Variants in ZNF292 observed in about 807,000 individuals in gnomAD.
ZNF292 encodes zinc finger protein 292.
A neutral mutation model predicts 217.9 loss-of-function variants in ZNF292; 26 were observed. That is an observed-to-expected ratio of 0.12 (90% CI 0.09 to 0.17). ZNF292 has a LOEUF of 0.17. Among genes scored for constraint, ZNF292 ranks in the 10% least tolerant of loss-of-function variants. ZNF292 has a pLI of 1.00. For missense variants in ZNF292, 2,904 were observed against 3,175.2 expected (o/e 0.91, Z 2.05); for synonymous variants, 1,257 against 1,124.1 (o/e 1.12, Z -2.37).
At chr6:87,198,524 C>T (rs1236180698) in intron 1 of ZNF292, among the ~76,000 whole-genome samples, 1 of 152,090 alleles carries the variant, frequency 6.6e-6, no homozygotes, top group African/African-American at 2.4e-5. Context: ...TTATGTGTTC[C>T]ATGTTAGTCA....
At chr6:87,220,864 A>G (rs1773048652) in intron 4 of ZNF292, among the ~76,000 whole-genome samples, 1 of 152,208 alleles carries the variant, frequency 6.6e-6, no homozygotes, top group Non-Finnish European at 1.5e-5. Context: ...GTAGGTAGCC[A>G]AACTAATACA....
rs1257245994 is a variant in ZNF292 at position 87,259,185 on chromosome 6, C to T, written c.5556C>T (p.Asp1852=). The stretch of plus-strand genomic sequence containing the variant: ...TACAGAAATTAAAATTAGAAAATGA[C>T]CTATCCACTCCAGCATCCCAATGTG... The part of the protein sequence containing the change: ...EGLQKLKLEN[D]LSTPASQCVL... The change falls in exon 8 of 8, where the codon GAC becomes GAT. Residue 1852 remains aspartate, a synonymous_variant. Transcript: ENST00000369577. 3 of 1,613,408 alleles carry T rather than the reference C, an allele frequency of 1.9e-6. No homozygotes were observed. The highest frequency in any genetic ancestry group is 3.3e-5 in the Admixed American group (2 of 59,920).
rs1179873639 is a variant in ZNF292 at position 87,155,664 on chromosome 6, C to T, written c.73C>T (p.Leu25=). 4 of 1,585,334 alleles carry T rather than the reference C, an allele frequency of 2.5e-6. No individual in the cohort carries two copies. Among genetic ancestry groups the T allele is most frequent in the Non-Finnish European group, 3.4e-6 (4 of 1,167,750 alleles). The change falls in exon 1 of 8, where the codon CTG becomes TTG. Residue 25 remains leucine, a synonymous_variant. Coordinates refer to ENST00000369577, the MANE Select transcript of ZNF292 (RefSeq NM_015021.3). The stretch of plus-strand genomic sequence containing the variant: ...CGGCTGCGTCGCGGAGCTGCAGCGC[C>T]TGGGCGAGCGGCTCCAGGAGCTGGA... The part of the protein sequence containing the change: ...EGGCVAELQR[L]GERLQELELQ...
rs185973575 is a variant in ZNF292, at chr6:87,190,572, C to G, written c.169-25331C>G. On this transcript the variant is annotated intron_variant, in intron 1 of 7. Coordinates refer to ENST00000369577, the MANE Select transcript of ZNF292 (RefSeq NM_015021.3). Reference sequence around the variant, plus strand: ...CACTGCAACCTCTGCCTCCCGGGTTCAAGTGATTCTCCTGCCTCAGCCTCT... The same window carrying G: ...CACTGCAACCTCTGCCTCCCGGGTTGAAGTGATTCTCCTGCCTCAGCCTCT... Among the ~76,000 whole-genome samples the G allele has an allele frequency of 9.4e-3, 1,433 of 152,266 alleles. 18 individuals carry two copies. Among genetic ancestry groups the G allele is most frequent in the African/African-American group, 0.032 (1,349 of 41,536 alleles).
In ZNF292 at chr6:87,227,392, G is replaced by T. The variant is rs542247971; in HGVS notation, c.539-5933G>T. On this transcript the variant is annotated intron_variant, in intron 4 of 7. Transcript: ENST00000369577. ...AATGTCTTAATTTGGATTTTTTTTTGACCAACAATGCTGAATTGTGTTTTT... is the reference window on the plus strand; with the variant it reads ...AATGTCTTAATTTGGATTTTTTTTTTACCAACAATGCTGAATTGTGTTTTT... Among the ~76,000 whole-genome samples the T allele has an allele frequency of 1.2e-4, 18 of 150,892 alleles. No homozygotes were observed. In the South Asian group the frequency reaches 3.5e-3, roughly 30 times the overall value.
At position 87,260,646 on chromosome 6, in the gene ZNF292, T is replaced by A. The variant is rs78762832; in HGVS notation, c.7017T>A (p.Asn2339Lys). The change falls in exon 8 of 8, where the codon AAT becomes AAA. Residue 2339 changes from asparagine (N) to lysine (K), a missense_variant. Around this residue, in one of 15 missense-constraint regions of ZNF292, gnomAD observed 101 missense variants for 89.5 expected, o/e 1.13. Coordinates refer to ENST00000369577, the MANE Select transcript of ZNF292 (RefSeq NM_015021.3). ...CCAAGACCAAACGAAAGAAAAAAAA[T>A]AATTTAGAAAACAAGAATGCAAAGA... ...KMPKTKRKKK[N>K]NLENKNAKIV... 1 of 1,611,980 alleles carries A rather than the reference T, an allele frequency of 6.2e-7. No individual in the cohort carries two copies. The highest frequency in any genetic ancestry group is 8.5e-7 in the Non-Finnish European group (1 of 1,179,302).
intron 1 of ZNF292, among the ~76,000 whole-genome samples, chr6:87,198,241 G>A (rs1266577729): frequency 6.6e-6 from 1 of 151,914 alleles, no homozygotes; most frequent in Non-Finnish European, 1.5e-5. Context: ...GTCTCGATCT[G>A]TCACCCAGGC....
rs1775223359 is a variant in ZNF292, at chr6:87,256,523, C to G, written c.2894C>G (p.Ala965Gly). The G allele has an allele frequency of 1.2e-6, 2 of 1,612,910 alleles. No individual in the cohort carries two copies. The highest frequency in any genetic ancestry group is 3.3e-5 in the Admixed American group (2 of 59,990). Residue 965 changes from alanine to glycine, a missense_variant, in exon 8 of 8, where the codon GCA becomes GGA. Coordinates refer to ENST00000369577, the MANE Select transcript of ZNF292 (RefSeq NM_015021.3). ...TCAACTGTGGAAGGCAGTGGTGAAG[C>G]ACTGGTCACAGACTTACATACGCCA... Reference protein sequence around the residue: ...ENSTVEGSGEALVTDLHTPVE... With the variant: ...ENSTVEGSGEGLVTDLHTPVE...
chr6:87,192,436 G>C (rs892554424), intron 1 of ZNF292, among the ~76,000 whole-genome samples: 3 of 151,862 alleles, frequency 2.0e-5, no homozygotes, highest in African/African-American at 7.3e-5. Context: ...GGATAAGTCA[G>C]TTATTGTGCT....
Position 87,260,820 on chromosome 6 carries a change from T to C in ZNF292, c.7191T>C (p.Val2397=). 2 of 1,612,706 alleles carry C rather than the reference T, an allele frequency of 1.2e-6. No homozygotes were observed. The highest frequency in any genetic ancestry group is 1.3e-5 in the African/African-American group (1 of 75,002). The change falls in exon 8 of 8, where the codon GTT becomes GTC. Residue 2397 remains valine (V), a synonymous_variant. Coordinates refer to ENST00000369577, the MANE Select transcript of ZNF292 (RefSeq NM_015021.3). ...TGATAAAGGGATGTACTTCAGTTGT[T>C]ACAAGTGAAAGCAATATAATTAGAC... ...PCMIKGCTSV[V]TSESNIIRHY...
intron 5 of ZNF292, among the ~76,000 whole-genome samples, chr6:87,237,238 C>T (rs1444838655): frequency 1.3e-5 from 2 of 151,850 alleles, no homozygotes; most frequent in African/African-American, 4.8e-5. Context: ...ATTTTTTAAA[C>T]TGTTTGTTTG....
At position 87,185,327 on chromosome 6, in the gene ZNF292, C is replaced by T. The variant is rs951802941; in HGVS notation, c.168+29568C>T. On this transcript the variant is annotated intron_variant, in intron 1 of 7. Transcript: ENST00000369577. ...CAAGATTGATTTTCAGGATTTTAGA[C>T]TTCCGGGATTTTGATATTTTGGATT... is the stretch of plus-strand genomic sequence containing the variant. Among the ~76,000 whole-genome samples the T allele has an allele frequency of 3.3e-5, 5 of 152,282 alleles. No homozygotes were observed. In the South Asian group the frequency reaches 1.0e-3, roughly 32 times the overall value.
In ZNF292 at chr6:87,180,143, T is replaced by G. The variant is rs111315666; in HGVS notation, c.168+24384T>G. ...CATACACTAACAATAGCTGATGAGC[T>G]GAATCGCAAAACAAAACAAAACAAA... On this transcript the variant is annotated intron_variant, in intron 1 of 7. Transcript: ENST00000369577. Among the ~76,000 whole-genome samples the G allele has an allele frequency of 3.7e-3, 556 of 152,326 alleles. 2 individuals carry two copies. Among genetic ancestry groups the G allele is most frequent in the African/African-American group, 0.013 (535 of 41,576 alleles).
chr6:87,197,701 A>G (rs1210514669), intron 1 of ZNF292, among the ~76,000 whole-genome samples: 2 of 148,256 alleles, frequency 1.3e-5, no homozygotes, highest in Admixed American at 6.7e-5. Context: ...AGCCTGAGCA[A>G]CAGAGTGAGA....
chr6:87,218,255 T>C (rs1468599063), intron 3 of ZNF292, among the ~76,000 whole-genome samples: 1 of 152,170 alleles, frequency 6.6e-6, no homozygotes, highest in Admixed American at 6.5e-5. Flanking sequence ...GGGAAAACTT[T>C]TTTAAACACA....
At position 87,230,231 on chromosome 6, in the gene ZNF292, G is replaced by A. The variant is rs1017391054; in HGVS notation, c.539-3094G>A. On this transcript the variant is annotated intron_variant, in intron 4 of 7. Coordinates refer to ENST00000369577, the MANE Select transcript of ZNF292 (RefSeq NM_015021.3). Reference sequence around the variant, plus strand: ...GCTTTTGAAACAGCTAGTCAAAGATGCTGCAAAGGAAATCATGCAAATCTG... The same window carrying A: ...GCTTTTGAAACAGCTAGTCAAAGATACTGCAAAGGAAATCATGCAAATCTG... Among the ~76,000 whole-genome samples, 86 of 150,218 alleles carry A rather than the reference G, an allele frequency of 5.7e-4. 1 individual carries two copies. The highest frequency in any genetic ancestry group is 1.0e-3 in the Non-Finnish European group (69 of 67,394).
chr6:87,261,032 T>A lies in ZNF292; in HGVS notation c.7403T>A (p.Val2468Asp), dbSNP rs980345440. 1.9e-6 allele frequency: 3 copies of A among 1,603,758 alleles called. No individual in the cohort carries two copies. The highest frequency in any genetic ancestry group is 3.4e-5 in the Admixed American group (2 of 58,164). The part of the protein sequence containing the change: ...SNDNSRTTAT[V>D]SQKEVEKNEK... Reference sequence around the variant, plus strand: ...GATAATTCAAGAACAACAGCTACAGTTTCACAAAAGGAAGTTGAAAAAAAT... The same window carrying A: ...GATAATTCAAGAACAACAGCTACAGATTCACAAAAGGAAGTTGAAAAAAAT... The change falls in exon 8 of 8, where the codon GTT (valine) becomes GAT (aspartate). Residue 2468 changes from valine to aspartate, a missense_variant. Transcript: ENST00000369577.
At chr6:87,196,229 T>C (rs1205563477) in intron 1 of ZNF292, among the ~76,000 whole-genome samples, 1 of 152,242 alleles carries the variant, frequency 6.6e-6, no homozygotes, top group Admixed American at 6.5e-5. Context: ...TATAGTACTT[T>C]GCATTTCCAA....
chr6:87,155,932 T>C lies in ZNF292; in HGVS notation c.168+173T>C, dbSNP rs565006786. On this transcript the variant is annotated intron_variant, in intron 1 of 7. Transcript: ENST00000369577. ...CTTTGTGTGGCTGCAGTTGTGGCGG[T>C]TGTTGTCGTCTGCAGCTCCTGGCTG... Among the ~76,000 whole-genome samples the C allele has an allele frequency of 7.2e-5, 11 of 152,174 alleles. No homozygotes were observed. The East Asian group carries it at 2.1e-3, about 29-fold the overall frequency.
Sources: gnomAD v4.1 joint callset for allele counts (sites outside exome capture counted in the v4.1 genomes callset) on GRCh38, gnomAD v4.1.1 for gene constraint, gnomAD v4.1.1 regional missense constraint, MANE v1.5 for transcripts, NCBI Gene and HGNC (gene_info 2026-07-23, HGNC 2026-07-21) for gene names.